The following QTGAL variants were observed in gnomAD, a reference collection of about 807,000 sequenced individuals.
The protein encoded by QTGAL is queuosine-tRNA galactosyltransferase.
At chr17:82,964,938 C>T in the QTGAL span, among the ~76,000 whole-genome samples, 1 of 146,030 alleles carries the variant, frequency 6.8e-6, no homozygotes, top group African/African-American at 2.6e-5. Flanking sequence ...ACACGGACGC[C>T]TGCAGGTGCA....
chr17:82,989,156 T>A, the QTGAL span, among the ~76,000 whole-genome samples: 1,273 of 152,284 alleles, frequency 8.4e-3, 7 homozygotes, highest in Non-Finnish European at 0.014. Context: ...CATGGAATAT[T>A]ATGTAGTCAT....
At chr17:83,010,351 G>C in the QTGAL span, among the ~76,000 whole-genome samples, 6,851 of 152,292 alleles carry the variant, frequency 0.045, 165 homozygotes, top group Middle Eastern at 0.065. Flanking sequence ...CCCGGAGGCA[G>C]CCGTCCAGTG....
chr17:83,014,104 T>C, the QTGAL span, among the ~76,000 whole-genome samples: 12 of 152,192 alleles, frequency 7.9e-5, no homozygotes, highest in Admixed American at 7.9e-4. Context: ...ATAAAAACCG[T>C]AATTTAAGAT....
At chr17:83,017,887 G>A in the QTGAL span, among the ~76,000 whole-genome samples, 31 of 145,858 alleles carry the variant, frequency 2.1e-4, no homozygotes, top group Admixed American at 3.4e-4. Context: ...CCACAAACAC[G>A]ACGTGCCTGC....
chr17:82,952,220 T>C, the QTGAL span, among the ~76,000 whole-genome samples: 3 of 152,160 alleles, frequency 2.0e-5, no homozygotes, highest in Non-Finnish European at 4.4e-5. Context: ...CACGCTGGCC[T>C]CACGGCTTCT....
the QTGAL span, among the ~76,000 whole-genome samples, chr17:83,007,472 T>G: frequency 2.6e-5 from 4 of 151,520 alleles, no homozygotes; most frequent in African/African-American, 9.7e-5. Flanking sequence ...AAGCTGGAGG[T>G]AGAAGTCCTT....
At chr17:83,032,509 AC>A in the QTGAL span, among the ~76,000 whole-genome samples, 2,186 of 28,828 alleles carry the variant, frequency 0.076, 527 homozygotes, top group East Asian at 0.11. Flanking sequence ...GAGCTGAACA[AC>A]CAGGTCAGAC....
At chr17:83,027,706 A>C in the QTGAL span, among the ~76,000 whole-genome samples, 12 of 150,384 alleles carry the variant, frequency 8.0e-5, no homozygotes, top group African/African-American at 2.7e-4. Flanking sequence ...TCTCAAAAAA[A>C]AAAAAAAAAA....
At chr17:83,041,153 G>A in the QTGAL span, among the ~76,000 whole-genome samples, 2 of 151,376 alleles carry the variant, frequency 1.3e-5, no homozygotes, top group Admixed American at 1.3e-4. Flanking sequence ...ATATGCAGAA[G>A]AAAAATTAGC....
At chr17:83,041,932 G>T in the QTGAL span, among the ~76,000 whole-genome samples, 1 of 152,336 alleles carries the variant, frequency 6.6e-6, no homozygotes, top group East Asian at 1.9e-4. Flanking sequence ...GCAGTTCATT[G>T]TAGGGCTGAA....
At chr17:83,008,899 C>T in the QTGAL span, among the ~76,000 whole-genome samples, 3 of 152,182 alleles carry the variant, frequency 2.0e-5, no homozygotes, top group African/African-American at 4.8e-5. Flanking sequence ...GATCCCAGCC[C>T]GGCAGTCCAG....
At chr17:82,947,079 GT>G in the QTGAL span, 3 of 1,033,320 alleles carry the variant, frequency 2.9e-6, no homozygotes, top group Non-Finnish European at 4.3e-6. Flanking sequence ...GGTGGCCTGT[GT>G]CCACCTGTCA....
chr17:83,014,643 A>C, the QTGAL span: 2 of 1,051,906 alleles, frequency 1.9e-6, no homozygotes, highest in South Asian at 1.5e-5. Context: ...GCAGCCTCAA[A>C]CTCCCGGCTT....
the QTGAL span, among the ~76,000 whole-genome samples, chr17:83,015,479 GAAATTTCACAAGC>G: frequency 6.6e-6 from 1 of 152,366 alleles, no homozygotes; most frequent in Middle Eastern, 3.4e-3. This position sits in a 1 kb window ranked among gnomAD's most constrained non-coding sequence, Gnocchi z 4.4. Flanking sequence ...GAACACAACA[GAAATTTCACAAGC>G]CTAATGTTCA....
At chr17:83,042,297 G>A in the QTGAL span, among the ~76,000 whole-genome samples, 1 of 152,226 alleles carries the variant, frequency 6.6e-6, no homozygotes, top group Admixed American at 6.5e-5. Flanking sequence ...AACCTACTGG[G>A]TGGAGGTTGC....
chr17:82,985,158 G>C, the QTGAL span, among the ~76,000 whole-genome samples: 1 of 152,176 alleles, frequency 6.6e-6, no homozygotes, highest in Non-Finnish European at 1.5e-5. Context: ...TTCACCTTTC[G>C]GTTTGTTTAG....
At chr17:82,978,924 T>C in the QTGAL span, 1 of 152,134 alleles carries the variant, frequency 6.6e-6, no homozygotes, top group Non-Finnish European at 1.5e-5. This position sits in a 1 kb window ranked among gnomAD's most constrained non-coding sequence, Gnocchi z 4.8. Context: ...CTAAAATGTA[T>C]TGACCAAAAT....
the QTGAL span, among the ~76,000 whole-genome samples, chr17:83,050,003 AAAACAC>A: frequency 6.6e-6 from 1 of 152,228 alleles, no homozygotes; most frequent in Non-Finnish European, 1.5e-5. Context: ...AATTGTGTTG[AAAACAC>A]AATTTAGTCA....
At chr17:83,051,722 C>A in the QTGAL span, 1 of 1,482,654 alleles carries the variant, frequency 6.7e-7, no homozygotes, top group Non-Finnish European at 8.9e-7. Flanking sequence ...GGGCACCCTC[C>A]CCGCTGGCAC....
Sources: gnomAD v4.1 joint callset for allele counts (sites outside exome capture counted in the v4.1 genomes callset) on GRCh38, gnomAD v4.1.1 for gene constraint, Gnocchi (gnomAD v3.1) non-coding constraint, MANE v1.5 for transcripts, NCBI Gene and HGNC (gene_info 2026-07-23, HGNC 2026-07-21) for gene names.